Variants in ZBTB20 observed in about 807,000 individuals in gnomAD.
The protein encoded by ZBTB20 is zinc finger and BTB domain-containing protein 20.
A neutral mutation model predicts 56.9 loss-of-function variants in ZBTB20; 9 were observed. The ratio of observed to expected loss-of-function variants is 0.16; its 90% CI spans 0.10 to 0.28. ZBTB20 has a LOEUF of 0.28. Ranked by LOEUF, ZBTB20 falls within the 10% of genes least tolerant of loss-of-function variation. ZBTB20 has a pLI of 1.00. For missense variants in ZBTB20, 655 were observed against 1,003.0 expected (o/e 0.65, Z 4.69); for synonymous variants, 417 against 420.7 (o/e 0.99, Z 0.11).
intron 3 of ZBTB20, among the ~76,000 whole-genome samples, chr3:114,952,759 A>C (rs1418589170): frequency 6.6e-6 from 1 of 152,040 alleles, no homozygotes; most frequent in Non-Finnish European, 1.5e-5. Flanking sequence ...AACCTGAAGG[A>C]AATGGCACCC....
intron 6 of ZBTB20, among the ~76,000 whole-genome samples, chr3:114,573,184 G>T (rs2053618627): frequency 6.6e-6 from 1 of 152,154 alleles, no homozygotes; most frequent in South Asian, 2.1e-4. Flanking sequence ...TGAGGGCCAG[G>T]CATAGTGGCT....
chr3:114,707,940 C>A (rs1270849748), intron 5 of ZBTB20, among the ~76,000 whole-genome samples: 1 of 152,086 alleles, frequency 6.6e-6, no homozygotes, highest in Admixed American at 6.6e-5. Context: ...TGTACCTTAT[C>A]AATCATGGTA....
intron 1 of ZBTB20, among the ~76,000 whole-genome samples, chr3:115,080,887 A>G (rs1378637499): frequency 1.3e-5 from 2 of 152,322 alleles, no homozygotes; most frequent in East Asian, 3.9e-4. Context: ...GAGGGAAGCT[A>G]ACATTTCAGA....
intron 4 of ZBTB20, among the ~76,000 whole-genome samples, chr3:114,887,609 C>A (rs925533135): frequency 1.3e-5 from 2 of 152,204 alleles, no homozygotes. Flanking sequence ...ATAAATGGGA[C>A]CATCAGAAGC....
chr3:114,471,571 T>C (rs777951024), intron 7 of ZBTB20, among the ~76,000 whole-genome samples: 1 of 152,182 alleles, frequency 6.6e-6, no homozygotes, highest in African/African-American at 2.4e-5. Context: ...GGGGGTGTCA[T>C]GTCACATTGA....
At chr3:114,635,330 G>T (rs1026480742) in intron 6 of ZBTB20, among the ~76,000 whole-genome samples, 1 of 152,062 alleles carries the variant, frequency 6.6e-6, no homozygotes, top group Non-Finnish European at 1.5e-5. Context: ...AACTGGTAAA[G>T]GTCTCTACTC....
At chr3:114,476,056 C>A (rs1314806539) in intron 7 of ZBTB20, among the ~76,000 whole-genome samples, 1 of 151,970 alleles carries the variant, frequency 6.6e-6, no homozygotes, top group Non-Finnish European at 1.5e-5. Flanking sequence ...AATAAAAAAT[C>A]TTAAAAATCC....
chr3:114,390,502 C>T (rs937653069), intron 7 of ZBTB20, among the ~76,000 whole-genome samples: 2 of 152,114 alleles, frequency 1.3e-5, no homozygotes, highest in Non-Finnish European at 2.9e-5. Flanking sequence ...CTATTTTTTC[C>T]CCTATACCTC....
chr3:114,713,112 G>A (rs1277961677), intron 5 of ZBTB20, among the ~76,000 whole-genome samples: 1 of 151,890 alleles, frequency 6.6e-6, no homozygotes, highest in African/African-American at 2.4e-5. Flanking sequence ...CAAATCCCTT[G>A]TTTCATTTTC....
intron 6 of ZBTB20, among the ~76,000 whole-genome samples, chr3:114,527,614 A>G (rs139447745): frequency 6.6e-6 from 1 of 152,312 alleles, no homozygotes; most frequent in African/African-American, 2.4e-5. Flanking sequence ...CATGGAAACA[A>G]ATGAAGGAGG....
At chr3:114,634,387 T>C (rs1418134455) in intron 6 of ZBTB20, among the ~76,000 whole-genome samples, 1 of 152,168 alleles carries the variant, frequency 6.6e-6, no homozygotes, top group Non-Finnish European at 1.5e-5. Context: ...TAAATAGCTA[T>C]AGACCCATAG....
chr3:114,410,475 G>A (rs1279379128), intron 7 of ZBTB20, among the ~76,000 whole-genome samples: 1 of 152,130 alleles, frequency 6.6e-6, no homozygotes, highest in Non-Finnish European at 1.5e-5. Flanking sequence ...GGTGGCTGTA[G>A]AAGAATAGCT....
chr3:114,824,363 G>C (rs1463034791), intron 4 of ZBTB20, among the ~76,000 whole-genome samples: 1 of 151,896 alleles, frequency 6.6e-6, no homozygotes, highest in Admixed American at 6.6e-5. Flanking sequence ...AATATAACCA[G>C]TTGATAGTAT....
At chr3:114,453,393 A>G (rs1559808469) in intron 7 of ZBTB20, among the ~76,000 whole-genome samples, 1 of 152,200 alleles carries the variant, frequency 6.6e-6, no homozygotes, top group Non-Finnish European at 1.5e-5. Flanking sequence ...CTGACAAGTG[A>G]CACAAGTGGT....
chr3:114,660,890 GGT>G (rs946356609), intron 6 of ZBTB20, among the ~76,000 whole-genome samples: 2 of 152,022 alleles, frequency 1.3e-5, no homozygotes, highest in African/African-American at 2.4e-5. Context: ...GTGGATGGGG[GGT>G]GGAGAGAGAG....
At chr3:114,590,060 CAG>C (rs1267560741) in intron 6 of ZBTB20, among the ~76,000 whole-genome samples, 3 of 152,108 alleles carry the variant, frequency 2.0e-5, no homozygotes, top group East Asian at 3.8e-4. Flanking sequence ...CAGCAACAAA[CAG>C]AAAGTGAAAT....
intron 4 of ZBTB20, among the ~76,000 whole-genome samples, chr3:114,899,311 T>C (rs763799437): frequency 3.3e-5 from 5 of 152,126 alleles, no homozygotes; most frequent in Admixed American, 6.6e-5. Context: ...TGTCCACTAA[T>C]AGCCAAATGC....
chr3:114,345,262 G>C (rs1433150384), intron 11 of ZBTB20, among the ~76,000 whole-genome samples: 1 of 152,128 alleles, frequency 6.6e-6, no homozygotes, highest in East Asian at 1.9e-4. Flanking sequence ...GTATATATAC[G>C]TGTGTGAAAT....
intron 2 of ZBTB20, among the ~76,000 whole-genome samples, chr3:115,066,335 T>C (rs978912827): frequency 6.6e-6 from 1 of 151,858 alleles, no homozygotes; most frequent in African/African-American, 2.4e-5. Context: ...ATCCTAAACT[T>C]CTCTTTTTCT....
Sources: gnomAD v4.1 joint callset for allele counts (sites outside exome capture counted in the v4.1 genomes callset) on GRCh38, gnomAD v4.1.1 for gene constraint, MANE v1.5 for transcripts, NCBI Gene and HGNC (gene_info 2026-07-23, HGNC 2026-07-21) for gene names.